TUSC3: variants seen among roughly 807,000 people sequenced by gnomAD.
TUSC3 encodes tumor suppressor candidate 3.
In TUSC3, 45 loss-of-function variants were observed where a neutral mutation model predicts 44.8. The observed-to-expected ratio is 1.00, with a 90% confidence interval of 0.79 to 1.29. The LOEUF is 1.29. Ranked by LOEUF, TUSC3 falls within the 50% of genes most tolerant of loss-of-function variation. TUSC3 has a pLI of 0.00. For missense variants in TUSC3, 519 were observed against 437.9 expected (o/e 1.19, Z -1.65); for synonymous variants, 212 against 152.9 (o/e 1.39, Z -2.85).
At chr8:15,442,866 A>G (rs555441493) in intron 1 of TUSC3, among the ~76,000 whole-genome samples, 20 of 152,288 alleles carry the variant, frequency 1.3e-4, no homozygotes, top group Middle Eastern at 3.4e-3. Flanking sequence ...GCCCAGTTGT[A>G]GACAAGAATC....
At chr8:15,494,696 A>G (rs1278816713) in intron 2 of TUSC3, among the ~76,000 whole-genome samples, 1 of 152,190 alleles carries the variant, frequency 6.6e-6, no homozygotes, top group Non-Finnish European at 1.5e-5. Context: ...CAATACCTGT[A>G]ATGGAACAGT....
chr8:15,763,769 G>T (rs1812245654), intron 10 of TUSC3, among the ~76,000 whole-genome samples: 1 of 152,004 alleles, frequency 6.6e-6, no homozygotes, highest in African/African-American at 2.4e-5. Context: ...TCAATATGAT[G>T]AAATTGTAAA....
intron 6 of TUSC3, among the ~76,000 whole-genome samples, chr8:15,704,156 A>G (rs914219712): frequency 1.3e-5 from 2 of 151,982 alleles, no homozygotes; most frequent in Non-Finnish European, 2.9e-5. Flanking sequence ...AAAAGAAGTC[A>G]TTTAAGCAGA....
At chr8:15,823,555 C>A in the TUSC3 span, among the ~76,000 whole-genome samples, 1 of 151,906 alleles carries the variant, frequency 6.6e-6, no homozygotes, top group Admixed American at 6.6e-5. Context: ...ATAAAAGATA[C>A]CATAATGTAT....
intron 2 of TUSC3, among the ~76,000 whole-genome samples, chr8:15,643,506 A>G (rs1050467430): frequency 1.1e-4 from 16 of 151,932 alleles, no homozygotes; most frequent in African/African-American, 3.4e-4. Context: ...TTTTATGTTC[A>G]TATACAGTTT....
At chr8:15,850,424 C>T in the TUSC3 span, among the ~76,000 whole-genome samples, 2 of 152,124 alleles carry the variant, frequency 1.3e-5, no homozygotes, top group African/African-American at 4.8e-5. Flanking sequence ...ATTTGACTTG[C>T]TGACATTTAT....
In TUSC3 at chr8:15,650,750, CT is replaced by C. The variant is rs1806862156; in HGVS notation, c.367del (p.Cys123ValfsTer23). ...ILANSWRYSS[A>X]FCNKLFFSMV... ...GCGAACTCCTGGCGCTATTCATCTGCTTTTTGTAACAAGCTCTTCTTCAGTA... is the reference window on the plus strand; with the variant it reads ...GCGAACTCCTGGCGCTATTCATCTGCTTTTGTAACAAGCTCTTCTTCAGTA... On this transcript the variant is annotated frameshift_variant, in exon 3 of 11. Transcript: ENST00000503731. LOFTEE classifies it high-confidence loss of function. 6.2e-7 allele frequency: 1 copy of C among 1,614,094 alleles called. No individual in the cohort carries two copies. Among genetic ancestry groups the C allele is most frequent in the Non-Finnish European group, 8.5e-7 (1 of 1,180,018 alleles).
intron 2 of TUSC3, among the ~76,000 whole-genome samples, chr8:15,534,356 T>C (rs1354109450): frequency 6.6e-6 from 1 of 152,098 alleles, no homozygotes; most frequent in Non-Finnish European, 1.5e-5. Flanking sequence ...ATAAAAACTT[T>C]AGCCGGGCTG....
intron 3 of TUSC3, among the ~76,000 whole-genome samples, chr8:15,654,500 T>C (rs1256104131): frequency 2.6e-5 from 4 of 152,194 alleles, no homozygotes; most frequent in East Asian, 3.8e-4. Flanking sequence ...TTGTATGTTA[T>C]AATCTGTATG....
chr8:15,803,890 T>C, the TUSC3 span, among the ~76,000 whole-genome samples: 2 of 152,320 alleles, frequency 1.3e-5, no homozygotes, highest in South Asian at 4.1e-4. Context: ...CATTCTTTTT[T>C]ATGTCTGCAT....
the TUSC3 span, among the ~76,000 whole-genome samples, chr8:15,811,802 A>G: frequency 0.84 from 127,330 of 152,128 alleles, 53,478 homozygotes; most frequent in Non-Finnish European, 0.87. Context: ...GCTTAATTAC[A>G]TTTTTAAGTT....
intron 1 of TUSC3, among the ~76,000 whole-genome samples, chr8:15,619,528 G>C (rs1805148089): frequency 6.6e-6 from 1 of 150,862 alleles, no homozygotes; most frequent in Admixed American, 6.6e-5. Context: ...GTCTGTCTCT[G>C]TCGCCCAGGC....
At chr8:15,469,135 A>C (rs1403949021) in intron 1 of TUSC3, among the ~76,000 whole-genome samples, 1 of 152,242 alleles carries the variant, frequency 6.6e-6, no homozygotes, top group Non-Finnish European at 1.5e-5. Context: ...CCACCAAAGC[A>C]TGATTTATGA....
the TUSC3 span, among the ~76,000 whole-genome samples, chr8:15,821,284 T>C: frequency 1.3e-5 from 2 of 152,246 alleles, no homozygotes; most frequent in East Asian, 1.9e-4. Context: ...GTTTGTAATA[T>C]GTCTCTTTTT....
intron 6 of TUSC3, among the ~76,000 whole-genome samples, chr8:15,692,060 C>T (rs1304522925): frequency 2.0e-5 from 3 of 152,046 alleles, no homozygotes; most frequent in African/African-American, 7.2e-5. Flanking sequence ...GGATTTCAAT[C>T]GTGAGCCACC....
the TUSC3 span, among the ~76,000 whole-genome samples, chr8:15,809,906 T>G: frequency 6.6e-6 from 1 of 152,200 alleles, no homozygotes; most frequent in Non-Finnish European, 1.5e-5. Flanking sequence ...CTAATGCTTT[T>G]CAAACTCTAA....
intron 1 of TUSC3, among the ~76,000 whole-genome samples, chr8:15,558,945 A>G (rs1802362469): frequency 6.6e-6 from 1 of 150,926 alleles, no homozygotes; most frequent in Non-Finnish European, 1.5e-5. Context: ...GGTCCTTTCA[A>G]AAAACCAGCT....
At chr8:15,461,427 C>G (rs1800343252) in intron 1 of TUSC3, among the ~76,000 whole-genome samples, 1 of 151,998 alleles carries the variant, frequency 6.6e-6, no homozygotes, top group Non-Finnish European at 1.5e-5. Context: ...GTTCTAGGGG[C>G]TTTCTGGTGG....
the TUSC3 span, among the ~76,000 whole-genome samples, chr8:15,841,170 T>C: frequency 6.7e-6 from 1 of 150,362 alleles, no homozygotes; most frequent in African/African-American, 2.4e-5. Context: ...ATATGTTTTA[T>C]ATATATATAT....
Sources: allele counts gnomAD v4.1 joint callset (sites outside exome capture counted in the v4.1 genomes callset), GRCh38; gene constraint gnomAD v4.1.1; transcripts MANE v1.5; gene names NCBI Gene and HGNC (gene_info 2026-07-23, HGNC 2026-07-21).